Variants in GUCY2C observed in about 807,000 individuals in gnomAD.
GUCY2C encodes the protein guanylate cyclase 2C.
GUCY2C carries 118 observed loss-of-function variants against 131.1 expected under a neutral mutation model. That is an observed-to-expected ratio of 0.90 (90% confidence interval 0.78 to 1.05). The LOEUF (loss-of-function observed/expected upper bound fraction) is 1.05. Ranked by LOEUF, GUCY2C falls within the 50% of genes least tolerant of loss-of-function variation. The probability of loss-of-function intolerance (pLI) is 0.00; values close to 1 mark genes in which losing one functional copy is unlikely to be tolerated. For missense variants in GUCY2C, 1,161 were observed against 1,304.4 expected (o/e 0.89, Z 1.69); for synonymous variants, 452 against 457.8 (o/e 0.99, Z 0.16).
At chr12:14,619,562 A>G (rs1946851037) in intron 23 of GUCY2C, among the ~76,000 whole-genome samples, 2 of 152,228 alleles carry the variant, frequency 1.3e-5, no homozygotes, top group African/African-American at 4.8e-5. Flanking sequence ...ATAGGAAGGC[A>G]TTCAGAGATC....
At chr12:14,659,891 G>A (rs1947832871) in intron 11 of GUCY2C, among the ~76,000 whole-genome samples, 1 of 152,186 alleles carries the variant, frequency 6.6e-6, no homozygotes, top group African/African-American at 2.4e-5. Context: ...GAGACAATGA[G>A]AAACACCTGT....
chr12:14,647,947 C>CTTAT (rs148784736), intron 15 of GUCY2C, among the ~76,000 whole-genome samples: 2,295 of 148,694 alleles, frequency 0.015, 70 homozygotes, highest in African/African-American at 0.052. Flanking sequence ...CATCTTTTTA[C>CTTAT]TTATTTATTT....
chr12:14,672,921 A>T lies in GUCY2C; in HGVS notation c.1122T>A (p.Asp374Glu). The T allele has an allele frequency of 6.2e-7, 1 of 1,609,568 alleles. No individual in the cohort carries two copies. The highest frequency in any genetic ancestry group is 1.1e-5 in the South Asian group (1 of 90,952). Reference sequence around the variant, plus strand: ...ACAGAAGCACCATGGTACTGTCAACATCCCCCCAGTCATCCAAGGTCACTG... The same window carrying T: ...ACAGAAGCACCATGGTACTGTCAACTTCCCCCCAGTCATCCAAGGTCACTG... ...DGPVTLDDWG[D>E]VDSTMVLLYT... Residue 374 changes from aspartate to glutamate, a missense_variant, in exon 9 of 27, where the codon GAT becomes GAA. Coordinates refer to ENST00000261170, the MANE Select transcript of GUCY2C (RefSeq NM_004963.4).
Position 14,621,092 on chromosome 12 carries a change from A to G in GUCY2C, c.2726T>C (p.Leu909Pro). 6.2e-7 allele frequency: 1 copy of G among 1,614,078 alleles called. No homozygotes were observed. Among genetic ancestry groups the G allele is most frequent in the Non-Finnish European group, 8.5e-7 (1 of 1,179,966 alleles). ...EILSFMGTFE[L>P]EHLPGLPIWI... ...TATTGGGAGGCCAGGAAGATGCTCC[A>G]GCTCAAAGGTCCCCATGAAGCTGAG... Residue 909 changes from leucine (L) to proline (P), a missense_variant, in exon 23 of 27, where the codon CTG (leucine) becomes CCG (proline). Leu to Pro is a moderately conservative substitution (Grantham distance 98). Coordinates refer to ENST00000261170, the MANE Select transcript of GUCY2C (RefSeq NM_004963.4).
In GUCY2C at chr12:14,639,861, C is replaced by T. The variant is rs1947357181; in HGVS notation, c.2157+1G>A. On this transcript the variant is annotated splice_donor_variant, in intron 19 of 26. Coordinates refer to ENST00000261170, the MANE Select transcript of GUCY2C (RefSeq NM_004963.4). LOFTEE classifies it high-confidence loss of function. Reference sequence around the variant, plus strand: ...AAATGAATACGGGAAGATATACTCACTTCTAGCTCTTTTTCCTCTGCTGTT... The same window carrying T: ...AAATGAATACGGGAAGATATACTCATTTCTAGCTCTTTTTCCTCTGCTGTT... The T allele has an allele frequency of 6.4e-7, 1 of 1,559,642 alleles. No homozygotes were observed. Among genetic ancestry groups the T allele is most frequent in the Non-Finnish European group, 8.8e-7 (1 of 1,130,222 alleles).
At chr12:14,619,494 T>G in intron 23 of GUCY2C, 185 bp from the exon 24 acceptor site, 1 of 533,934 alleles carries the variant, frequency 1.9e-6, no homozygotes, top group Non-Finnish European at 3.3e-6. Flanking sequence ...GCATCATTAT[T>G]CAATGCATGC....
chr12:14,637,507 TGGAGGCATAACATTA>T (rs1424902459), intron 19 of GUCY2C, among the ~76,000 whole-genome samples: 7 of 152,174 alleles, frequency 4.6e-5, no homozygotes, highest in African/African-American at 1.7e-4. Flanking sequence ...AGAACAAAGC[TGGAGGCATAACATTA>T]CCTGATTTCA....
At chr12:14,696,141 G>T (rs1948650560) in intron 1 of GUCY2C, 91 bp downstream of exon 1, 4 of 977,356 alleles carry the variant, frequency 4.1e-6, no homozygotes, top group Non-Finnish European at 6.4e-6. Context: ...AGAAAGTTGT[G>T]TGATCAAAGA....
At chr12:14,635,854 G>C (rs1947257742) in intron 19 of GUCY2C, among the ~76,000 whole-genome samples, 1 of 152,076 alleles carries the variant, frequency 6.6e-6, no homozygotes, top group African/African-American at 2.4e-5. Context: ...GAAAAATATA[G>C]AGGAAGTGGA....
At chr12:14,628,594 A>AT (rs2136995291) in intron 20 of GUCY2C, 52 bp downstream of exon 20, 7 of 986,914 alleles carry the variant, frequency 7.1e-6, no homozygotes, top group African/African-American at 1.6e-5. Flanking sequence ...GTCAACTATA[A>AT]TTTTTTTAAA....
chr12:14,623,132 T>C (rs1292481477), intron 21 of GUCY2C, among the ~76,000 whole-genome samples: 1 of 152,208 alleles, frequency 6.6e-6, no homozygotes, highest in Non-Finnish European at 1.5e-5. Context: ...TAAAAAAGTA[T>C]GACTTCCCTA....
intron 23 of GUCY2C, 24 bp from the exon 24 acceptor site, chr12:14,619,333 G>A: frequency 6.9e-7 from 1 of 1,455,182 alleles, no homozygotes; most frequent in Non-Finnish European, 9.7e-7. Flanking sequence ...CAGAAAGCAG[G>A]AAGTGGAGGC....
intron 19 of GUCY2C, among the ~76,000 whole-genome samples, chr12:14,633,812 G>T (rs1947204808): frequency 6.6e-6 from 1 of 151,830 alleles, no homozygotes; most frequent in African/African-American, 2.4e-5. Context: ...TCAAGCAGAA[G>T]AATTTCAGAA....
At chr12:14,664,585 A>G (rs1947932335) in intron 10 of GUCY2C, among the ~76,000 whole-genome samples, 1 of 152,168 alleles carries the variant, frequency 6.6e-6, no homozygotes, top group Admixed American at 6.5e-5. Context: ...CGCAGTATCA[A>G]GTTCTAAATT....
At position 14,681,435 on chromosome 12, in the gene GUCY2C, G is replaced by T. The variant is rs774064751; in HGVS notation, c.654C>A (p.His218Gln). 1.2e-6 allele frequency: 2 copies of T among 1,611,988 alleles called. No individual in the cohort carries two copies. The highest frequency in any genetic ancestry group is 2.2e-5 in the East Asian group (1 of 44,862). Residue 218 changes from histidine to glutamine, a missense_variant, in exon 5 of 27, where the codon CAC becomes CAA. Transcript: ENST00000261170. Reference sequence around the variant, plus strand: ...TTAACACCACCTTAAAGCCGAGTTCGTGGGAGAAATAGGAAACGCTAGCCT... The same window carrying T: ...TTAACACCACCTTAAAGCCGAGTTCTTGGGAGAAATAGGAAACGCTAGCCT... ...ALEASVSYFS[H>Q]ELGFKVVLRQ... is the part of the protein sequence containing the mutation.
chr12:14,654,870 C>A (rs544333932), intron 12 of GUCY2C, among the ~76,000 whole-genome samples: 17 of 152,236 alleles, frequency 1.1e-4, no homozygotes, highest in African/African-American at 3.6e-4. Context: ...AAGCAGGAGA[C>A]CATTGGCATG....
chr12:14,644,761 T>TA (rs1947483918), intron 16 of GUCY2C, among the ~76,000 whole-genome samples: 1 of 142,984 alleles, frequency 7.0e-6, no homozygotes, highest in African/African-American at 2.6e-5. Context: ...TTTTTTTTTT[T>TA]AATGGAGTCT....
intron 12 of GUCY2C, among the ~76,000 whole-genome samples, chr12:14,654,879 T>A (rs1947732768): frequency 6.6e-6 from 1 of 152,206 alleles, no homozygotes; most frequent in South Asian, 2.1e-4. Context: ...ACCATTGGCA[T>A]GAGGCTGTCT....
chr12:14,670,952 AAAG>A (rs1015434655), intron 9 of GUCY2C, among the ~76,000 whole-genome samples: 3 of 151,830 alleles, frequency 2.0e-5, no homozygotes, highest in African/African-American at 7.2e-5. Context: ...AGAGAATGAG[AAAG>A]AAGCAAAAGT....
Sources: gnomAD v4.1 joint callset for allele counts (sites outside exome capture counted in the v4.1 genomes callset) on GRCh38, gnomAD v4.1.1 for gene constraint, MANE v1.5 for transcripts, NCBI Gene and HGNC (gene_info 2026-07-23, HGNC 2026-07-21) for gene names.